The following ABLIM1 variants were observed in gnomAD, a reference collection of about 807,000 sequenced individuals.
ABLIM1 encodes actin-binding LIM protein 1.
In ABLIM1, 40 loss-of-function variants were observed where a neutral mutation model predicts 107.0. The ratio of observed to expected loss-of-function variants is 0.37; its 90% CI spans 0.29 to 0.49. The LOEUF (loss-of-function observed/expected upper bound fraction) is 0.49. ABLIM1 is among the 20% of genes least tolerant of loss of function. The probability of loss-of-function intolerance (pLI) is 0.97; values close to 1 mark genes in which losing one functional copy is unlikely to be tolerated. For missense variants in ABLIM1, 857 were observed against 1,008.5 expected, an observed-to-expected ratio of 0.85 and a Z score of 2.04; for synonymous variants, 357 against 357.3, an observed-to-expected ratio of 1.00 and a Z score of 0.01.
intron 6 of ABLIM1, among the ~76,000 whole-genome samples, chr10:114,542,348 T>G (rs2066770890): frequency 1.4e-5 from 2 of 148,118 alleles, no homozygotes; most frequent in African/African-American, 5.0e-5. Context: ...AGTTCAAAGT[T>G]GCAGTGAGGT....
intron 1 of ABLIM1, among the ~76,000 whole-genome samples, chr10:114,725,823 T>G (rs909673371): frequency 6.6e-6 from 1 of 151,400 alleles, no homozygotes; most frequent in African/African-American, 2.4e-5. Context: ...CAGCTCACCG[T>G]AGCCTCAACC....
At chr10:114,580,751 T>C (rs2073268497) in intron 2 of ABLIM1, among the ~76,000 whole-genome samples, 1 of 152,200 alleles carries the variant, frequency 6.6e-6, no homozygotes, top group Non-Finnish European at 1.5e-5. Flanking sequence ...CAAATACTCT[T>C]CACTGGTGGT....
At chr10:114,738,222 G>A (rs1180046600) in intron 1 of ABLIM1, among the ~76,000 whole-genome samples, 1 of 151,996 alleles carries the variant, frequency 6.6e-6, no homozygotes, top group African/African-American at 2.4e-5. Context: ...CTAATTTTTT[G>A]TATTTTTAGT....
At chr10:114,474,009 G>C (rs995962334) in intron 8 of ABLIM1, 53 bp from the exon 9 acceptor site, 6 of 1,392,950 alleles carry the variant, frequency 4.3e-6, no homozygotes, top group African/African-American at 1.4e-5. Flanking sequence ...TCAGAATCTA[G>C]ACTGTCCTGG....
At chr10:114,614,493 A>G (rs1476521812) in intron 1 of ABLIM1, among the ~76,000 whole-genome samples, 1 of 152,062 alleles carries the variant, frequency 6.6e-6, no homozygotes, top group Non-Finnish European at 1.5e-5. Context: ...ACCCCAGCAA[A>G]TGTCCTCAAT....
At chr10:114,594,000 A>G (rs1400317531) in intron 2 of ABLIM1, among the ~76,000 whole-genome samples, 1 of 152,228 alleles carries the variant, frequency 6.6e-6, no homozygotes, top group East Asian at 1.9e-4. Context: ...AGAAGCGAGC[A>G]CATTTATATC....
intron 1 of ABLIM1, among the ~76,000 whole-genome samples, chr10:114,703,678 G>T (rs760336700): frequency 6.6e-6 from 1 of 152,184 alleles, no homozygotes; most frequent in Admixed American, 6.5e-5. Context: ...CAATGCACCT[G>T]GTCTGTGCTC....
chr10:114,469,274 T>C (rs1042409999), intron 10 of ABLIM1, among the ~76,000 whole-genome samples: 1 of 152,180 alleles, frequency 6.6e-6, no homozygotes, highest in Non-Finnish European at 1.5e-5. Flanking sequence ...ATAACTAAAA[T>C]AGGACTTTGG....
chr10:114,738,451 A>G (rs2082225820), intron 1 of ABLIM1, among the ~76,000 whole-genome samples: 1 of 152,232 alleles, frequency 6.6e-6, no homozygotes, highest in Non-Finnish European at 1.5e-5. Context: ...GTCCTAAGCC[A>G]AGTAGGACAT....
chr10:114,452,914 CT>C (rs1157292326), intron 13 of ABLIM1, among the ~76,000 whole-genome samples: 1 of 152,190 alleles, frequency 6.6e-6, no homozygotes. Context: ...AATTCTACAT[CT>C]CTCTGAAAAG....
intron 17 of ABLIM1, among the ~76,000 whole-genome samples, chr10:114,442,076 T>C (rs1449218244): frequency 6.6e-6 from 1 of 152,196 alleles, no homozygotes; most frequent in African/African-American, 2.4e-5. Context: ...CTTTATTTCT[T>C]TGAATCTTCA....
At chr10:114,715,999 G>A (rs2081651977) in intron 1 of ABLIM1, among the ~76,000 whole-genome samples, 1 of 152,132 alleles carries the variant, frequency 6.6e-6, no homozygotes, top group Middle Eastern at 3.2e-3. Context: ...GGCCATCGTA[G>A]GGATCCAGGT....
upstream of ABLIM1, among the ~76,000 whole-genome samples, chr10:114,689,212 C>T (rs985689814): frequency 1.3e-5 from 2 of 152,158 alleles, no homozygotes; most frequent in Non-Finnish European, 2.9e-5. Flanking sequence ...GACCCAGCTT[C>T]GTGTCCTGGT....
chr10:114,665,527 A>G (rs1013314668), intron 1 of ABLIM1, among the ~76,000 whole-genome samples: 29 of 152,360 alleles, frequency 1.9e-4, no homozygotes, highest in Admixed American at 1.3e-3. Context: ...AGAAAAACCT[A>G]TCCTTCCACA....
chr10:114,611,568 G>T (rs966624932), intron 1 of ABLIM1, among the ~76,000 whole-genome samples: 4 of 152,072 alleles, frequency 2.6e-5, no homozygotes, highest in Non-Finnish European at 5.9e-5. Flanking sequence ...CATAAAAGAC[G>T]CTGTCAGCAA....
intron 1 of ABLIM1, among the ~76,000 whole-genome samples, chr10:114,607,533 G>A (rs565602900): frequency 8.9e-4 from 136 of 152,278 alleles, no homozygotes; most frequent in African/African-American, 3.0e-3. Flanking sequence ...GACAGACAAT[G>A]CCCCAGCCAC....
Position 114,601,977 on chromosome 10 carries a change from C to G in ABLIM1, c.245-16G>C, listed in dbSNP as rs367983671. On this transcript the variant is annotated splice_polypyrimidine_tract_variant and intron_variant, in intron 1 of 22. Transcript: ENST00000533213. ...GGGTGGGCCACTGAAAGAAAATCAA[C>G]AAAAGATCCAGGTGAGTAGAGAGCA... The G allele has an allele frequency of 3.8e-4, 615 of 1,613,518 alleles. No homozygotes were observed. The highest frequency in any genetic ancestry group is 5.1e-4 in the Non-Finnish European group (605 of 1,179,602).
At chr10:114,798,266 C>T in the ABLIM1 span, among the ~76,000 whole-genome samples, 1 of 151,658 alleles carries the variant, frequency 6.6e-6, no homozygotes, top group South Asian at 2.1e-4. Flanking sequence ...ACTAAAAATA[C>T]AAAAATTAGC....
chr10:114,680,143 C>T (rs970909099), intron 1 of ABLIM1, among the ~76,000 whole-genome samples: 6 of 123,306 alleles, frequency 4.9e-5, no homozygotes, highest in Non-Finnish European at 7.8e-5. Context: ...TCTGAATCTC[C>T]CAGATGGAAC....
Sources: gnomAD v4.1 joint callset for allele counts (sites outside exome capture counted in the v4.1 genomes callset) on GRCh38, gnomAD v4.1.1 for gene constraint, MANE v1.5 for transcripts, NCBI Gene and HGNC (gene_info 2026-07-23, HGNC 2026-07-21) for gene names.